ME1: variants seen among roughly 807,000 people sequenced by gnomAD.
ME1 encodes the protein malic enzyme 1.
Under a neutral mutation model 66.4 loss-of-function variants are expected in ME1, and 74 were observed. That is an observed-to-expected ratio of 1.11 (90% CI 0.92 to 1.35). The LOEUF (loss-of-function observed/expected upper bound fraction) is 1.35, where lower values mean the gene tolerates loss of function less well. Among genes scored for constraint, ME1 ranks in the 40% most tolerant of loss-of-function variants. The pLI, the probability that ME1 is intolerant of heterozygous loss-of-function variation, is 0.00. For missense variants in ME1, 750 were observed against 694.1 expected, an observed-to-expected ratio of 1.08 and a Z score of -0.90; for synonymous variants, 251 against 235.6, an observed-to-expected ratio of 1.07 and a Z score of -0.60.
intron 3 of ME1, among the ~76,000 whole-genome samples, chr6:83,382,080 A>C (rs754136725): frequency 1.6e-4 from 25 of 151,774 alleles, no homozygotes; most frequent in Admixed American, 9.2e-4. Context: ...CTTATCCTTC[A>C]AGCGGCAGCC....
chr6:83,382,551 T>C (rs1348953739), intron 3 of ME1, among the ~76,000 whole-genome samples: 3 of 152,132 alleles, frequency 2.0e-5, no homozygotes, highest in Non-Finnish European at 4.4e-5. Flanking sequence ...GCAATATTCC[T>C]AAGAAATATC....
At chr6:83,251,432 T>C (rs550550882) in intron 7 of ME1, among the ~76,000 whole-genome samples, 2 of 151,992 alleles carry the variant, frequency 1.3e-5, no homozygotes, top group East Asian at 3.9e-4. Flanking sequence ...GAGCAGAGGT[T>C]GCAGTGAGCC....
At chr6:83,299,973 C>T (rs1767683074) in intron 6 of ME1, among the ~76,000 whole-genome samples, 1 of 152,150 alleles carries the variant, frequency 6.6e-6, no homozygotes, top group Non-Finnish European at 1.5e-5. Context: ...GGTGGATAAG[C>T]TTTTTGACGT....
At position 83,430,787 on chromosome 6, in the gene ME1, G is replaced by T. The variant is rs559851132; in HGVS notation, c.78+90C>A. ...GGAACCTTCCCAGGGGAGCGGCGGA[G>T]GGGCGAGGCCATGGTGCGGGGACCT... is the stretch of plus-strand genomic sequence containing the variant. On this transcript the variant is annotated intron_variant, in intron 1 of 13. Transcript: ENST00000369705. The T allele has an allele frequency of 5.3e-4, 618 of 1,167,706 alleles. 1 individual carries two copies. The highest frequency in any genetic ancestry group is 5.9e-4 in the Non-Finnish European group (481 of 816,480). The allele number at this position is 1,167,706 out of a possible 1,614,324, so 72.3% of individuals were successfully genotyped here. A position where few individuals can be genotyped will look rare whatever the true frequency, so the allele number is the denominator to read the frequency against.
chr6:83,353,483 T>C (rs200478174), intron 3 of ME1, among the ~76,000 whole-genome samples: 3 of 152,180 alleles, frequency 2.0e-5, no homozygotes, highest in Non-Finnish European at 4.4e-5. Context: ...CTTGATTCTC[T>C]TTATCAGTTT....
At chr6:83,369,671 CGAAGGAAGGAAGGAAGGAAGGAAG>C (rs796598711) in intron 3 of ME1, among the ~76,000 whole-genome samples, 4 of 72,302 alleles carry the variant, frequency 5.5e-5, no homozygotes, top group East Asian at 6.8e-4. Flanking sequence ...AAGGAAGGAA[CGAAGGAAGGAAGGAAGGAAGGAAG>C]GAAGGAAGGA....
At chr6:83,371,283 G>A (rs1436293777) in intron 3 of ME1, among the ~76,000 whole-genome samples, 1 of 152,122 alleles carries the variant, frequency 6.6e-6, no homozygotes, top group East Asian at 1.9e-4. Context: ...CCTTGACTTA[G>A]CCTTTATCCA....
At chr6:83,220,232 G>A (rs1790065363) in intron 12 of ME1, among the ~76,000 whole-genome samples, 2 of 152,242 alleles carry the variant, frequency 1.3e-5, no homozygotes, top group East Asian at 1.9e-4. Context: ...TGTCCATGAT[G>A]ATTATCTAAA....
chr6:83,228,323 T>A (rs1790236870), intron 10 of ME1, among the ~76,000 whole-genome samples: 1 of 152,184 alleles, frequency 6.6e-6, no homozygotes, highest in Non-Finnish European at 1.5e-5. Flanking sequence ...TTTCTCAACC[T>A]CAGCACTATT....
At chr6:83,230,234 T>C (rs1372831896) in intron 9 of ME1, among the ~76,000 whole-genome samples, 1 of 151,972 alleles carries the variant, frequency 6.6e-6, no homozygotes, top group Non-Finnish European at 1.5e-5. Flanking sequence ...TGGAGTGCAG[T>C]GGCGCGATCT....
At chr6:83,275,628 C>T (rs1319147946) in intron 6 of ME1, among the ~76,000 whole-genome samples, 1 of 148,580 alleles carries the variant, frequency 6.7e-6, no homozygotes, top group Non-Finnish European at 1.5e-5. Flanking sequence ...CCACGCCTGG[C>T]TAATTTTTTT....
intron 5 of ME1, among the ~76,000 whole-genome samples, chr6:83,325,047 AG>A (rs1768261284): frequency 6.6e-6 from 1 of 152,198 alleles, no homozygotes; most frequent in Non-Finnish European, 1.5e-5. Flanking sequence ...CTGGGATGCA[AG>A]GCTGGTTCAA....
At chr6:83,216,696 A>G (rs1409962306) in intron 12 of ME1, 100 bp from the exon 13 acceptor site, 2 of 714,860 alleles carry the variant, frequency 2.8e-6, no homozygotes, top group African/African-American at 3.6e-5. Flanking sequence ...AATGGTCTAT[A>G]CAAAAACCAG....
intron 6 of ME1, among the ~76,000 whole-genome samples, chr6:83,297,960 C>T (rs1767633314): frequency 6.6e-6 from 1 of 152,160 alleles, no homozygotes; most frequent in Non-Finnish European, 1.5e-5. Flanking sequence ...TCCAGTCTAT[C>T]ATTGATGGAC....
Position 83,352,093 on chromosome 6 carries a change from G to T in ME1, c.409C>A (p.Leu137Ile), listed in dbSNP as rs752945994. 2.6e-6 allele frequency: 4 copies of T among 1,538,446 alleles called. No homozygotes were observed. Among genetic ancestry groups the T allele is most frequent in the Admixed American group, 1.8e-5 (1 of 55,462 alleles). ...ATGACATCTTCTGGCCATGCATTGA[G>T]AACTGAAGCAATATGCCCTCGATCG... ...IHDRGHIASVLNAWPEDVIKA... is the reference protein window; with the variant it reads ...IHDRGHIASVINAWPEDVIKA... Residue 137 changes from leucine (L) to isoleucine (I), a missense_variant, in exon 4 of 14, where the codon CTC becomes ATC. Coordinates refer to ENST00000369705, the MANE Select transcript of ME1 (RefSeq NM_002395.6).
At chr6:83,392,716 A>G (rs1583414389) in intron 3 of ME1, 1 of 625,638 alleles carries the variant, frequency 1.6e-6, no homozygotes, top group South Asian at 1.4e-5. Flanking sequence ...GTTCACCAGC[A>G]TCTTCACCAC....
chr6:83,228,060 A>C (rs1790232190), intron 10 of ME1, among the ~76,000 whole-genome samples: 1 of 152,240 alleles, frequency 6.6e-6, no homozygotes. Flanking sequence ...TGTAGTTATC[A>C]TCATTATTTT....
intron 7 of ME1, among the ~76,000 whole-genome samples, chr6:83,242,989 G>T (rs1288707132): frequency 1.3e-5 from 2 of 152,064 alleles, no homozygotes; most frequent in Non-Finnish European, 2.9e-5. Flanking sequence ...GGGTGCAGAG[G>T]TTTATGTCCT....
chr6:83,237,856 A>G, intron 8 of ME1, 26 bp from the exon 9 acceptor site: 1 of 1,319,062 alleles, frequency 7.6e-7, no homozygotes, highest in Non-Finnish European at 1.1e-6. Flanking sequence ...AAAAAATTTT[A>G]AAGTTGTTCT....
Sources: gnomAD v4.1 joint callset for allele counts (sites outside exome capture counted in the v4.1 genomes callset) on GRCh38, gnomAD v4.1.1 for gene constraint, MANE v1.5 for transcripts, NCBI Gene and HGNC (gene_info 2026-07-23, HGNC 2026-07-21) for gene names.